Variants in SMYD3 observed in about 807,000 individuals in gnomAD.
SMYD3 encodes histone-lysine N-methyltransferase SMYD3.
SMYD3 carries 36 observed loss-of-function variants against 57.7 expected under a neutral mutation model. The ratio of observed to expected loss-of-function variants is 0.62; its 90% CI spans 0.48 to 0.82. The LOEUF (loss-of-function observed/expected upper bound fraction) is 0.82, where lower values mean the gene tolerates loss of function less well. Ranked by LOEUF, SMYD3 falls within the 40% of genes least tolerant of loss-of-function variation. The pLI is 0.00. For synonymous variants in SMYD3, 211 were observed against 195.0 expected (o/e 1.08, Z -0.68); for missense variants, 515 against 538.8 (o/e 0.96, Z 0.44).
chr1:245,947,251 T>C (rs1187465608), intron 5 of SMYD3: 2 of 398,614 alleles, frequency 5.0e-6, no homozygotes, highest in Admixed American at 5.9e-5. Context: ...CAAAGATAAA[T>C]CGGCTACAAA....
At chr1:246,010,615 G>T (rs1035628830) in intron 5 of SMYD3, among the ~76,000 whole-genome samples, 3 of 152,206 alleles carry the variant, frequency 2.0e-5, no homozygotes, top group Non-Finnish European at 2.9e-5. Flanking sequence ...CAGTGTGACG[G>T]AGAAAGTCCA....
intron 10 of SMYD3, among the ~76,000 whole-genome samples, chr1:245,844,134 A>G (rs1461696366): frequency 6.6e-5 from 10 of 152,192 alleles, no homozygotes; most frequent in Admixed American, 6.5e-4. Flanking sequence ...CCTACAAGAC[A>G]GCCTTTTAAA....
chr1:246,419,305 T>G lies in SMYD3; in HGVS notation c.165-64211A>C, dbSNP rs1202540526. ...CCTGCACCCAGGTGATTAAAAAGCT[T>G]TATTGCTCACACAAAGCCTGTTTGG... On this transcript the variant is annotated intron_variant, in intron 1 of 11. Coordinates refer to ENST00000490107, the MANE Select transcript of SMYD3 (RefSeq NM_001167740.2). Among the ~76,000 whole-genome samples the G allele has an allele frequency of 2.0e-5, 3 of 152,306 alleles. No individual in the cohort carries two copies. The East Asian group carries it at 5.8e-4, about 29-fold the overall frequency.
At chr1:246,092,581 C>G (rs192712025) in intron 5 of SMYD3, among the ~76,000 whole-genome samples, 1 of 151,936 alleles carries the variant, frequency 6.6e-6, no homozygotes, top group African/African-American at 2.4e-5. Flanking sequence ...GCAAGTAGAC[C>G]CCACCTCTCA....
intron 5 of SMYD3, among the ~76,000 whole-genome samples, chr1:246,249,000 T>C (rs947522460): frequency 2.0e-5 from 3 of 151,432 alleles, no homozygotes; most frequent in Admixed American, 6.6e-5. Context: ...TCTCTGAGGG[T>C]CAAATAAGAT....
chr1:246,257,548 T>C (rs1419846401), intron 5 of SMYD3, among the ~76,000 whole-genome samples: 2 of 152,234 alleles, frequency 1.3e-5, no homozygotes, highest in East Asian at 1.9e-4. Flanking sequence ...AGACAGCAGA[T>C]GACTGGGTCT....
Position 246,219,627 on chromosome 1 carries a change from G to A in SMYD3, c.531+107574C>T, listed in dbSNP as rs1004667443. Among the ~76,000 whole-genome samples, 13 of 152,146 alleles carry A rather than the reference G, an allele frequency of 8.5e-5. 1 individual carries two copies. Among genetic ancestry groups the A allele is most frequent in the Admixed American group, 2.0e-4 (3 of 15,276 alleles). On this transcript the variant is annotated intron_variant, in intron 5 of 11. Coordinates refer to ENST00000490107, the MANE Select transcript of SMYD3 (RefSeq NM_001167740.2). ...TTAGCAGAAGGCAGCTGCCTCATGC[G>A]AAAAGGCAGAGGGCCCATTGAGCTG...
At chr1:246,420,824 T>C (rs1479238258) in intron 1 of SMYD3, among the ~76,000 whole-genome samples, 1 of 152,196 alleles carries the variant, frequency 6.6e-6, no homozygotes, top group African/African-American at 2.4e-5. Context: ...CAAAAAATCA[T>C]TAGCTGGAAA....
At chr1:246,067,133 TAAG>T (rs2060357238) in intron 5 of SMYD3, among the ~76,000 whole-genome samples, 1 of 152,186 alleles carries the variant, frequency 6.6e-6, no homozygotes, top group Non-Finnish European at 1.5e-5. Flanking sequence ...GCTAAAAGAA[TAAG>T]AAGGACTGTA....
chr1:246,239,065 G>A (rs1376708120), intron 5 of SMYD3, among the ~76,000 whole-genome samples: 1 of 152,006 alleles, frequency 6.6e-6, no homozygotes, highest in Non-Finnish European at 1.5e-5. Context: ...TATTCCAGCA[G>A]GACAGTGTGT....
chr1:245,915,133 A>G (rs1459814503), intron 8 of SMYD3, among the ~76,000 whole-genome samples: 1 of 152,230 alleles, frequency 6.6e-6, no homozygotes, highest in Non-Finnish European at 1.5e-5. Context: ...ATTTTAAAAA[A>G]CATTTTTAAA....
chr1:246,470,835 G>A (rs2067952438), intron 1 of SMYD3, among the ~76,000 whole-genome samples: 1 of 152,076 alleles, frequency 6.6e-6, no homozygotes, highest in Non-Finnish European at 1.5e-5. Context: ...CTGTGTGAAT[G>A]TTAAGTATTT....
At chr1:246,263,726 A>C (rs2064053905) in intron 5 of SMYD3, among the ~76,000 whole-genome samples, 1 of 152,182 alleles carries the variant, frequency 6.6e-6, no homozygotes, top group Admixed American at 6.5e-5. Flanking sequence ...ATGCCTTTTC[A>C]TTTTCAAAGG....
intron 1 of SMYD3, among the ~76,000 whole-genome samples, chr1:246,493,365 G>C (rs1345417825): frequency 6.6e-6 from 1 of 151,984 alleles, no homozygotes; most frequent in Non-Finnish European, 1.5e-5. Context: ...ATACATAAAT[G>C]GTTTCTAAAA....
intron 5 of SMYD3, among the ~76,000 whole-genome samples, chr1:246,041,735 T>C (rs543480050): frequency 7.2e-4 from 110 of 152,122 alleles, no homozygotes; most frequent in Admixed American, 2.0e-3. Context: ...TGGAAGAGAA[T>C]TGGAGGGGGT....
intron 10 of SMYD3, among the ~76,000 whole-genome samples, chr1:245,833,073 A>AAAAAAAAAAAAAAAAAAAAAAAAAAAAAC: frequency 7.8e-5 from 10 of 128,658 alleles, no homozygotes; most frequent in South Asian, 3.1e-4. Flanking sequence ...AAAAAAAAAA[A>AAAAAAAAAAAAAAAAAAAAAAAAAAAAAC]AACCTGCTTT....
chr1:245,812,326 A>T (rs2048519517), intron 10 of SMYD3, among the ~76,000 whole-genome samples: 1 of 152,202 alleles, frequency 6.6e-6, no homozygotes, highest in African/African-American at 2.4e-5. Flanking sequence ...GAATTATTTC[A>T]GTTCCCTGAA....
chr1:246,128,202 G>A (rs1157323664), intron 5 of SMYD3, among the ~76,000 whole-genome samples: 1 of 152,096 alleles, frequency 6.6e-6, no homozygotes, highest in South Asian at 2.1e-4. Flanking sequence ...ATGTAAAACT[G>A]CAAGTTGCCC....
At chr1:246,491,066 C>T (rs2068262136) in intron 1 of SMYD3, among the ~76,000 whole-genome samples, 1 of 152,118 alleles carries the variant, frequency 6.6e-6, no homozygotes. Flanking sequence ...AAGTAGTTTG[C>T]CCCAACTCAC....
Sources: gnomAD v4.1 joint callset for allele counts (sites outside exome capture counted in the v4.1 genomes callset) on GRCh38, gnomAD v4.1.1 for gene constraint, MANE v1.5 for transcripts, NCBI Gene and HGNC (gene_info 2026-07-23, HGNC 2026-07-21) for gene names.